EXT2: variants seen among roughly 807,000 people sequenced by gnomAD.
The protein encoded by EXT2 is exostosin glycosyltransferase 2, also known as exostosin-2.
A neutral mutation model predicts 81.6 loss-of-function variants in EXT2; 53 were observed. The ratio of observed to expected loss-of-function variants is 0.65; its 90% CI spans 0.52 to 0.82. The LOEUF (loss-of-function observed/expected upper bound fraction) is 0.82, where lower values mean the gene tolerates loss of function less well. EXT2 is among the 40% of genes least tolerant of loss of function. EXT2 has a pLI of 0.00. For synonymous variants in EXT2, 320 were observed against 340.0 expected (o/e 0.94, Z 0.65); for missense variants, 774 against 910.2 (o/e 0.85, Z 1.93).
At chr11:44,162,912 A>G (rs1396375025) in intron 7 of EXT2, among the ~76,000 whole-genome samples, 3 of 152,248 alleles carry the variant, frequency 2.0e-5, no homozygotes, top group Non-Finnish European at 2.9e-5. Context: ...GGTGTTTTAC[A>G]TACAACTAAA....
chr11:44,249,058 G>A lies in EXT2; in HGVS notation c.*4771G>A, dbSNP rs777298183. The stretch of plus-strand genomic sequence containing the variant: ...GTCCCATAGGCTGGAGTGTAGTGCT[G>A]TGATCATGGCTCGCTGCAGCCTCAA... On this transcript the variant is annotated 3_prime_UTR_variant, in exon 14 of 14. Transcript: ENST00000533608. Among the ~76,000 whole-genome samples, 7 of 152,024 alleles carry A rather than the reference G, an allele frequency of 4.6e-5. No homozygotes were observed. Among genetic ancestry groups the A allele is most frequent in the Non-Finnish European group, 7.4e-5 (5 of 68,016 alleles).
At chr11:44,212,306 AATAAATAAAT>A (rs1320104149) in intron 10 of EXT2, among the ~76,000 whole-genome samples, 3 of 6,736 alleles carry the variant, frequency 4.5e-4, no homozygotes, top group African/African-American at 7.3e-4. Context: ...AATATAAATA[AATAAATAAAT>A]AAATAAATAA....
intron 1 of EXT2, chr11:44,096,315 G>A (rs956830475): frequency 2.0e-6 from 3 of 1,535,974 alleles, no homozygotes; most frequent in Middle Eastern, 1.7e-4. Context: ...AGAAGCCGTG[G>A]GACGAGGTAG....
intron 7 of EXT2, among the ~76,000 whole-genome samples, chr11:44,144,982 A>G (rs72901955): frequency 0.024 from 3,580 of 152,272 alleles, 64 homozygotes; most frequent in Non-Finnish European, 0.037. Context: ...GTTCAGTCCT[A>G]AAGCATTCAG....
intron 1 of EXT2, among the ~76,000 whole-genome samples, chr11:44,100,939 G>A (rs1953972610): frequency 6.6e-6 from 1 of 152,280 alleles, no homozygotes; most frequent in East Asian, 1.9e-4. Flanking sequence ...TGGACACTGT[G>A]CAGAGCTCTC....
chr11:44,112,668 T>G (rs1413759252), intron 3 of EXT2, among the ~76,000 whole-genome samples: 1 of 152,198 alleles, frequency 6.6e-6, no homozygotes, highest in African/African-American at 2.4e-5. Flanking sequence ...ACAAACAGAC[T>G]GCATGTGGAT....
intron 8 of EXT2, among the ~76,000 whole-genome samples, chr11:44,187,037 C>T (rs912657818): frequency 4.8e-4 from 70 of 147,254 alleles, no homozygotes; most frequent in Admixed American, 2.4e-3. Context: ...TTCCTTCCTT[C>T]CTTCCTTCCC....
In EXT2 at chr11:44,249,317, T is replaced by C. The variant is rs1443384611; in HGVS notation, c.*5030T>C. 1.3e-5 allele frequency among the ~76,000 whole-genome samples: 2 copies of C among 151,972 alleles called. No individual in the cohort carries two copies. Among genetic ancestry groups the C allele is most frequent in the Non-Finnish European group, 2.9e-5 (2 of 68,020 alleles). ...CTGGCCCAGGATAGCACTTTTTCCT[T>C]TCTTCTGCTCTCAGTTGGTTGGACC... On this transcript the variant is annotated 3_prime_UTR_variant, in exon 14 of 14. Coordinates refer to ENST00000533608, the MANE Select transcript of EXT2 (RefSeq NM_207122.2).
chr11:44,178,286 A>G (rs1183733379), intron 8 of EXT2, among the ~76,000 whole-genome samples: 1 of 152,174 alleles, frequency 6.6e-6, no homozygotes, highest in Non-Finnish European at 1.5e-5. Context: ...CAAGTTCTCA[A>G]GTGTTGGATA....
intron 10 of EXT2, among the ~76,000 whole-genome samples, chr11:44,218,663 G>T (rs1328491804): frequency 6.6e-6 from 1 of 151,908 alleles, no homozygotes; most frequent in East Asian, 1.9e-4. Context: ...AGTGATGAGG[G>T]GGCCTCACTA....
rs180919537 is a variant in EXT2, at chr11:44,213,934, C to T, written c.1662+6975C>T. On this transcript the variant is annotated intron_variant, in intron 10 of 13. Coordinates refer to ENST00000533608, the MANE Select transcript of EXT2 (RefSeq NM_207122.2). ...GTATAAATTTACATAAATTGTGTAA[C>T]CTGAATAAATTGTAGCAATACTTCT... Among the ~76,000 whole-genome samples, 20 of 152,114 alleles carry T rather than the reference C, an allele frequency of 1.3e-4. No homozygotes were observed. The East Asian group carries it at 3.7e-3, about 28-fold the overall frequency.
At chr11:44,143,963 T>G (rs1453636900) in intron 7 of EXT2, among the ~76,000 whole-genome samples, 1 of 152,164 alleles carries the variant, frequency 6.6e-6, no homozygotes, top group Non-Finnish European at 1.5e-5. Flanking sequence ...TAAAGTGAGC[T>G]TTTGATTTCT....
Position 44,207,005 on chromosome 11 carries a change from C to A in EXT2, c.1662+46C>A, listed in dbSNP as rs767955170. ...GTGTTTATATGTTTAATATTACTTCCTATGACTGCTTGTCTTTTCTAAAAA... is the reference window on the plus strand; with the variant it reads ...GTGTTTATATGTTTAATATTACTTCATATGACTGCTTGTCTTTTCTAAAAA... On this transcript the variant is annotated intron_variant, in intron 10 of 13. Transcript: ENST00000533608. 1.9e-6 allele frequency: 3 copies of A among 1,567,368 alleles called. No individual in the cohort carries two copies. The Admixed American group carries it at 5.0e-5, about 26-fold the overall frequency.
At position 44,197,864 on chromosome 11, in the gene EXT2, G is replaced by A. The variant is rs774039598; in HGVS notation, c.1341G>A (p.Pro447=). The change falls in exon 9 of 14, where the codon CCG becomes CCA. Residue 447 remains proline (P), a synonymous_variant. Coordinates refer to ENST00000533608, the MANE Select transcript of EXT2 (RefSeq NM_207122.2). Reference sequence around the variant, plus strand: ...GCGTGAGCAATCCACTCTTCCTCCCGCTGATCCCACCACAGTCTCAAGGGT... The same window carrying A: ...GCGTGAGCAATCCACTCTTCCTCCCACTGATCCCACCACAGTCTCAAGGGT... ...WGSVSNPLFL[P]LIPPQSQGFT... is the part of the protein sequence containing the mutation. 2.9e-5 allele frequency: 46 copies of A among 1,613,858 alleles called. No individual in the cohort carries two copies. Among genetic ancestry groups the A allele is most frequent in the Admixed American group, 2.2e-4 (13 of 59,980 alleles).
intron 13 of EXT2, among the ~76,000 whole-genome samples, chr11:44,237,010 T>A (rs1357834936): frequency 1.3e-5 from 2 of 151,880 alleles, no homozygotes; most frequent in Non-Finnish European, 2.9e-5. Context: ...GACCTAAGAG[T>A]TCTCACTTGT....
intron 2 of EXT2, among the ~76,000 whole-genome samples, chr11:44,108,628 A>G (rs141904437): frequency 2.6e-4 from 40 of 152,372 alleles, no homozygotes; most frequent in African/African-American, 9.1e-4. Context: ...AGCAAAAAGA[A>G]GAATCTAAGA....
intron 7 of EXT2, among the ~76,000 whole-genome samples, chr11:44,145,869 T>A (rs1052006654): frequency 8.5e-5 from 13 of 152,260 alleles, no homozygotes; most frequent in Admixed American, 3.3e-4. Context: ...TTCAGAGCTG[T>A]ACAAGCCATG....
chr11:44,119,127 T>TAC (rs1954267609), intron 4 of EXT2, among the ~76,000 whole-genome samples: 4 of 28,822 alleles, frequency 1.4e-4, no homozygotes, highest in African/African-American at 2.8e-4. Context: ...TGGCTATTTA[T>TAC]ATATATATAT....
chr11:44,183,177 A>T (rs1428935831), intron 8 of EXT2, among the ~76,000 whole-genome samples: 1 of 152,192 alleles, frequency 6.6e-6, no homozygotes, highest in Non-Finnish European at 1.5e-5. Flanking sequence ...GGTGATGATA[A>T]CTTGGATCAC....
Sources: gnomAD v4.1 joint callset for allele counts (sites outside exome capture counted in the v4.1 genomes callset) on GRCh38, gnomAD v4.1.1 for gene constraint, MANE v1.5 for transcripts, NCBI Gene and HGNC (gene_info 2026-07-23, HGNC 2026-07-21) for gene names.